The following BMERB1 variants were observed in gnomAD, a reference collection of about 807,000 sequenced individuals.
BMERB1 encodes bMERB domain-containing protein 1.
BMERB1 carries 12 observed loss-of-function variants against 23.6 expected under a neutral mutation model. The observed-to-expected ratio is 0.51, with a 90% CI of 0.33 to 0.82. BMERB1 has a LOEUF of 0.82. Among genes scored for constraint, BMERB1 ranks in the 40% least tolerant of loss-of-function variants. The probability of loss-of-function intolerance (pLI) is 0.03; values close to 1 mark genes in which losing one functional copy is unlikely to be tolerated. For synonymous variants in BMERB1, 122 were observed against 96.6 expected (o/e 1.26, Z -1.54); for missense variants, 247 against 255.4 (o/e 0.97, Z 0.22).
At chr16:15,534,768 C>T (rs2052010107) in intron 2 of BMERB1, among the ~76,000 whole-genome samples, 1 of 152,080 alleles carries the variant, frequency 6.6e-6, no homozygotes, top group East Asian at 1.9e-4. Flanking sequence ...ATCTCAGCTC[C>T]CTCCATTCCA....
intron 1 of BMERB1, among the ~76,000 whole-genome samples, chr16:15,457,119 C>T (rs1357226841): frequency 6.6e-6 from 1 of 152,184 alleles, no homozygotes; most frequent in Non-Finnish European, 1.5e-5. Flanking sequence ...AGGCACTGTG[C>T]CCAGCCTCCT....
In BMERB1 at chr16:15,588,169, C is replaced by G. The variant is rs1031534996; in HGVS notation, c.*1340C>G. The stretch of plus-strand genomic sequence containing the variant: ...CATCGTTGACATCATATTGTGGTAT[C>G]ATTTATAACCAGTTTTTTCCTACTT... On this transcript the variant is annotated 3_prime_UTR_variant, in exon 6 of 6. Transcript: ENST00000300006. 12 of 152,032 alleles carry G rather than the reference C, an allele frequency of 7.9e-5. No individual in the cohort carries two copies. The highest frequency in any genetic ancestry group is 2.9e-4 in the African/African-American group (12 of 41,386). 9.4% of individuals were successfully genotyped at this position (152,032 alleles called of 1,614,324 possible).
At chr16:15,575,666 G>A (rs976335475) in intron 3 of BMERB1, among the ~76,000 whole-genome samples, 1 of 152,158 alleles carries the variant, frequency 6.6e-6, no homozygotes, top group Non-Finnish European at 1.5e-5. Flanking sequence ...CATAGGGTGG[G>A]AGTGTGCCTG....
chr16:15,567,669 A>G (rs1820557034), intron 2 of BMERB1, among the ~76,000 whole-genome samples: 1 of 152,158 alleles, frequency 6.6e-6, no homozygotes, highest in Non-Finnish European at 1.5e-5. Context: ...AGGCTGAGGC[A>G]GGAGAATCGC....
intron 4 of BMERB1, chr16:15,581,537 C>T: frequency 2.1e-6 from 1 of 472,658 alleles, no homozygotes; most frequent in Non-Finnish European, 3.7e-6. Context: ...CAAATCTGTG[C>T]CTCTTGAGGG....
intron 2 of BMERB1, among the ~76,000 whole-genome samples, chr16:15,542,581 A>G (rs1290031477): frequency 6.6e-6 from 1 of 151,638 alleles, no homozygotes; most frequent in Non-Finnish European, 1.5e-5. Context: ...TGAAGACCAA[A>G]TAGATATTTT....
chr16:15,451,232 C>T (rs1054601139), intron 1 of BMERB1, among the ~76,000 whole-genome samples: 2 of 152,122 alleles, frequency 1.3e-5, no homozygotes, highest in African/African-American at 2.4e-5. Flanking sequence ...GCGAGTCTCA[C>T]CCAGGCTGGA....
chr16:15,524,885 G>A (rs1296229592), intron 2 of BMERB1, among the ~76,000 whole-genome samples: 3 of 152,094 alleles, frequency 2.0e-5, no homozygotes, highest in East Asian at 3.9e-4. Context: ...TAGAAGTTCC[G>A]TCTTCCTAGA....
intron 2 of BMERB1, among the ~76,000 whole-genome samples, chr16:15,553,077 A>G (rs1288603464): frequency 6.6e-6 from 1 of 152,156 alleles, no homozygotes; most frequent in Non-Finnish European, 1.5e-5. Flanking sequence ...GTACGATCTC[A>G]GCTCACTGAA....
intron 1 of BMERB1, among the ~76,000 whole-genome samples, chr16:15,513,684 A>G (rs2051704854): frequency 6.6e-6 from 1 of 152,056 alleles, no homozygotes; most frequent in South Asian, 2.1e-4. Flanking sequence ...TCATGAGGTC[A>G]GGAGTTCAAG....
chr16:15,486,459 T>C (rs972766640), intron 1 of BMERB1, among the ~76,000 whole-genome samples: 1 of 152,170 alleles, frequency 6.6e-6, no homozygotes, highest in Admixed American at 6.5e-5. Context: ...TCTATTCTTC[T>C]ATCTCATGGG....
In BMERB1 at chr16:15,451,087, A is replaced by T. The variant is rs997114088; in HGVS notation, c.106+16328A>T. ...TAGTTTAAGGGGGCGTAACCAGCAT[A>T]AAAAAAATGAAATAGAAGGAAATAG... On this transcript the variant is annotated intron_variant, in intron 1 of 5. Transcript: ENST00000300006. 1.8e-4 allele frequency among the ~76,000 whole-genome samples: 27 copies of T among 152,108 alleles called. 1 individual carries two copies. Among genetic ancestry groups the T allele is most frequent in the African/African-American group, 5.8e-4 (24 of 41,488 alleles).
intron 2 of BMERB1, among the ~76,000 whole-genome samples, chr16:15,534,286 CA>C (rs1168488547): frequency 7.1e-4 from 30 of 41,966 alleles, no homozygotes; most frequent in East Asian, 6.6e-3. Flanking sequence ...TTTTTAATTG[CA>C]AAAAAAAAAA....
intron 1 of BMERB1, 68 bp from the exon 2 acceptor site, chr16:15,515,237 C>T: frequency 6.2e-7 from 1 of 1,602,472 alleles, no homozygotes; most frequent in Non-Finnish European, 8.5e-7. Context: ...GCCCTGGAAC[C>T]ATGTCAGGGT....
At chr16:15,449,288 G>A (rs773494260) in intron 1 of BMERB1, among the ~76,000 whole-genome samples, 1 of 152,154 alleles carries the variant, frequency 6.6e-6, no homozygotes, top group Non-Finnish European at 1.5e-5. Flanking sequence ...GAACTAATGC[G>A]TGTTCTCACT....
chr16:15,465,353 A>T lies in BMERB1; in HGVS notation c.106+30594A>T, dbSNP rs564108237. Among the ~76,000 whole-genome samples, 417 of 133,458 alleles carry T rather than the reference A, an allele frequency of 3.1e-3. 5 individuals are homozygous for T. The highest frequency in any genetic ancestry group is 0.011 in the African/African-American group (378 of 34,700). The allele number at this position is 133,458 out of a possible 152,430, so 87.6% of individuals were successfully genotyped here. A position where few individuals can be genotyped will look rare whatever the true frequency, so the allele number is the denominator to read the frequency against. On this transcript the variant is annotated intron_variant, in intron 1 of 5. Transcript: ENST00000300006. ...AAATTTGGTCAATGCTAAGATATAT[A>T]TTTTTTTTTTTTTTTTTGAGACTGG...
Position 15,475,405 on chromosome 16 carries a change from G to C in BMERB1, c.107-39900G>C, listed in dbSNP as rs141923172. The stretch of plus-strand genomic sequence containing the variant: ...AAACTGTCCTCAACTTTCATGCTTT[G>C]CTAGAGGGACTCACAGAACTCCCTG... On this transcript the variant is annotated intron_variant, in intron 1 of 5. Transcript: ENST00000300006. Among the ~76,000 whole-genome samples the C allele has an allele frequency of 3.6e-3, 541 of 152,290 alleles. 5 individuals are homozygous for C. Among genetic ancestry groups the C allele is most frequent in the African/African-American group, 0.012 (512 of 41,554 alleles).
intron 1 of BMERB1, among the ~76,000 whole-genome samples, chr16:15,454,068 C>T (rs1020107579): frequency 2.0e-5 from 3 of 152,046 alleles, no homozygotes; most frequent in African/African-American, 7.2e-5. Context: ...CATCTCTGCT[C>T]TCTAGGGGGG....
At chr16:15,477,187 A>G (rs1336704944) in intron 1 of BMERB1, among the ~76,000 whole-genome samples, 1 of 152,094 alleles carries the variant, frequency 6.6e-6, no homozygotes, top group Non-Finnish European at 1.5e-5. Flanking sequence ...GGCCTCAGGA[A>G]ACTTAGAATT....
Sources: allele counts gnomAD v4.1 joint callset (sites outside exome capture counted in the v4.1 genomes callset), GRCh38; gene constraint gnomAD v4.1.1; transcripts MANE v1.5; gene names NCBI Gene and HGNC (gene_info 2026-07-23, HGNC 2026-07-21).